Variants in MED16 observed in about 807,000 individuals in gnomAD.
MED16 encodes the protein mediator of RNA polymerase II transcription subunit 16.
In MED16, 81 loss-of-function variants were observed where a neutral mutation model predicts 84.4. The ratio of observed to expected loss-of-function variants is 0.96; its 90% CI spans 0.80 to 1.15. The LOEUF (loss-of-function observed/expected upper bound fraction) is 1.15. Ranked by LOEUF, MED16 falls within the 50% of genes most tolerant of loss-of-function variation. The probability of loss-of-function intolerance (pLI) is 0.00; values close to 1 mark genes in which losing one functional copy is unlikely to be tolerated. For synonymous variants in MED16, 897 were observed against 552.2 expected, an observed-to-expected ratio of 1.62 and a Z score of -8.76; for missense variants, 1,585 against 1,245.9, an observed-to-expected ratio of 1.27 and a Z score of -4.10.
chr19:869,533 C>T (rs924163096), intron 13 of MED16, among the ~76,000 whole-genome samples: 1 of 152,190 alleles, frequency 6.6e-6, no homozygotes. Context: ...TCCATCAAGT[C>T]TTTTCCTGAA....
chr19:886,208 AGAAGGGAG>A lies in MED16; in HGVS notation c.448-15_448-8del. The A allele has an allele frequency of 4.0e-6, 6 of 1,500,574 alleles. No homozygotes were observed. The highest frequency in any genetic ancestry group is 5.3e-6 in the Non-Finnish European group (6 of 1,129,828). The allele number at this position is 1,500,574 out of a possible 1,614,324, so 93.0% of individuals were successfully genotyped here. On this transcript the variant is annotated splice_region_variant and splice_polypyrimidine_tract_variant and intron_variant, in intron 4 of 15. Transcript: ENST00000325464. ...CGAAGCTGGAGGCGCCCGACTGTGG[AGAAGGGAG>A]GGAGGGAGGAGGGGCCGCTCAGGCT...
At chr19:871,601 G>A (rs776091251) in intron 12 of MED16, 14 of 1,595,800 alleles carry the variant, frequency 8.8e-6, no homozygotes, top group African/African-American at 6.7e-5. Flanking sequence ...ACAGCAAACA[G>A]GTGCCTGGAA....
At position 884,952 on chromosome 19, in the gene MED16, G is replaced by A. The variant is rs2036495822; in HGVS notation, c.936C>T (p.Arg312=). 1.9e-6 allele frequency: 3 copies of A among 1,609,516 alleles called. No individual in the cohort carries two copies. The highest frequency in any genetic ancestry group is 2.2e-5 in the East Asian group (1 of 44,850). ...TSSIVECWSL[R]KEGLPVNNIF... ...TGTTGTTCACGGGGAGTCCCTCCTT[G>A]CGCAGGGACCAGCACTCCACGATGC... The change falls in exon 6 of 16, where the codon CGC becomes CGT. Residue 312 remains arginine (R), a synonymous_variant. Coordinates refer to ENST00000325464, the MANE Select transcript of MED16 (RefSeq NM_005481.3).
chr19:868,059 C>A lies in MED16; in HGVS notation c.*42G>T. 1 of 1,563,004 alleles carries A rather than the reference C, an allele frequency of 6.4e-7. No homozygotes were observed. Among genetic ancestry groups the A allele is most frequent in the South Asian group, 1.2e-5 (1 of 84,160 alleles). ...GTGAGGCAAGGAAACCGAGGAGACG[C>A]CCGAGCCGGGTCACCACAAGGTCCG... On this transcript the variant is annotated 3_prime_UTR_variant, in exon 16 of 16. Transcript: ENST00000325464.
At chr19:884,823 C>T (rs945725253) in intron 6 of MED16, 80 bp downstream of exon 6, 2 of 1,152,946 alleles carry the variant, frequency 1.7e-6, no homozygotes, top group African/African-American at 1.5e-5. Flanking sequence ...CTGGGTGACA[C>T]AGCAAGACCT....
At position 873,492 on chromosome 19, in the gene MED16, A is replaced by G; in HGVS notation, c.1862T>C (p.Val621Ala). ...CAGCAGGTACAGCACGAAGTCGCCC[A>G]CCCACTGCAAGAGCTGCTGCAGCGC... ...LQALQQLLQW[V>A]GDFVLYLLAS... The change falls in exon 11 of 16, where the codon GTG becomes GCG. Residue 621 changes from valine (V) to alanine (A), a missense_variant. Transcript: ENST00000325464. The G allele has an allele frequency of 6.2e-7, 1 of 1,611,714 alleles. No homozygotes were observed.
At chr19:876,739 G>A (rs1018606146) in intron 9 of MED16, among the ~76,000 whole-genome samples, 3 of 151,956 alleles carry the variant, frequency 2.0e-5, no homozygotes, top group African/African-American at 4.8e-5. Flanking sequence ...CACATCTGCC[G>A]TGGGGACCTC....
At chr19:891,505 G>GGCA (rs2036631366) in intron 1 of MED16, among the ~76,000 whole-genome samples, 1 of 151,268 alleles carries the variant, frequency 6.6e-6, no homozygotes, top group Admixed American at 6.6e-5. Context: ...TGATGATGGG[G>GGCA]GCAGCAAGTG....
intron 13 of MED16, among the ~76,000 whole-genome samples, chr19:869,555 C>T (rs190223996): frequency 1.3e-5 from 2 of 152,300 alleles, no homozygotes; most frequent in East Asian, 1.9e-4. Context: ...CCCAAACCCT[C>T]GTGTGTGACT....
At chr19:880,256 G>C in intron 7 of MED16, 108 bp from the exon 8 acceptor site, 1 of 1,046,486 alleles carries the variant, frequency 9.6e-7, no homozygotes, top group African/African-American at 1.7e-5. Flanking sequence ...GCCCATCCAG[G>C]GGGTCAGCCC....
At chr19:868,727 C>A in intron 14 of MED16, 136 bp downstream of exon 14, 2 of 1,111,878 alleles carry the variant, frequency 1.8e-6, no homozygotes, top group Non-Finnish European at 2.5e-6. Context: ...TCCTGGGATC[C>A]TGGCTCCAAC....
chr19:885,639 G>A (rs779702660), intron 5 of MED16, 131 bp downstream of exon 5: 38 of 1,104,962 alleles, frequency 3.4e-5, no homozygotes, highest in African/African-American at 2.2e-4. Flanking sequence ...TGGAGCCCCC[G>A]GGAGGGACCG....
rs112560510 is a variant in MED16, at chr19:868,540, C to A, written c.2400-41G>T. ...CACTGAGCGGGTTCCCACTTCCAGG[C>A]GGGCCTCCCTTACGCCTGCCCCACT... On this transcript the variant is annotated intron_variant, in intron 14 of 15. Transcript: ENST00000325464. 3.5e-4 allele frequency: 554 copies of A among 1,601,978 alleles called. 6 individuals are homozygous for A. The East Asian group carries it at 0.011, about 31-fold the overall frequency.
chr19:870,484 C>G (rs1373292767), intron 13 of MED16, among the ~76,000 whole-genome samples: 1 of 151,672 alleles, frequency 6.6e-6, no homozygotes, highest in African/African-American at 2.4e-5. Flanking sequence ...TCATTTGAAC[C>G]CGAGAGGCAG....
In MED16 at chr19:868,484, G is replaced by T. The variant is rs755047145; in HGVS notation, c.2415C>A (p.Thr805=). ...TGGTTCTGTTGGGCGACTTGAGCAT[G>T]GTGACACAGCCGCACCTGCGGGGAG... is the stretch of plus-strand genomic sequence containing the variant. ...CKACTRCGCV[T]MLKSPNRTTA... is the part of the protein sequence containing the mutation. Residue 805 remains threonine (T), a synonymous_variant, in exon 15 of 16, where the codon ACC becomes ACA. Coordinates refer to ENST00000325464, the MANE Select transcript of MED16 (RefSeq NM_005481.3). 6.2e-7 allele frequency: 1 copy of T among 1,610,780 alleles called. No individual in the cohort carries two copies. The highest frequency in any genetic ancestry group is 1.1e-5 in the South Asian group (1 of 91,086).
At chr19:886,770 G>T (rs2145247938) in intron 4 of MED16, among the ~76,000 whole-genome samples, 1 of 152,318 alleles carries the variant, frequency 6.6e-6, no homozygotes, top group East Asian at 1.9e-4. Flanking sequence ...CTTTCAACGT[G>T]AGTCTTTTAA....
chr19:874,238 C>CGAG (rs1399654226), intron 10 of MED16, among the ~76,000 whole-genome samples: 1 of 152,102 alleles, frequency 6.6e-6, no homozygotes, highest in Non-Finnish European at 1.5e-5. Context: ...CTCAGCCTCC[C>CGAG]GAGTAGCTGG....
rs148920686 is a variant in MED16, at chr19:883,580, T to A, written c.985+1323A>T. 1.1e-3 allele frequency among the ~76,000 whole-genome samples: 163 copies of A among 152,180 alleles called. 5 individuals are homozygous for A. In the East Asian group the frequency reaches 0.03, roughly 28 times the overall value. On this transcript the variant is annotated intron_variant, in intron 6 of 15. Coordinates refer to ENST00000325464, the MANE Select transcript of MED16 (RefSeq NM_005481.3). ...CAGGGATGTGAGACCTGAGAAAGGC[T>A]GTGGCATGTGTGTGAGACGTGGCTC...
At chr19:872,256 T>C (rs2036094043) in intron 11 of MED16, 138 bp from the exon 12 acceptor site, 2 of 663,958 alleles carry the variant, frequency 3.0e-6, no homozygotes. Context: ...AGGACTGGGG[T>C]GCTTCTGGCA....
Sources: allele counts gnomAD v4.1 joint callset (sites outside exome capture counted in the v4.1 genomes callset), GRCh38; gene constraint gnomAD v4.1.1; transcripts MANE v1.5; gene names NCBI Gene and HGNC (gene_info 2026-07-23, HGNC 2026-07-21).